The following HIBCH variants were observed in gnomAD, a reference collection of about 807,000 sequenced individuals.
The protein encoded by HIBCH is 3-hydroxyisobutyryl-CoA hydrolase, mitochondrial.
A neutral mutation model predicts 58.2 loss-of-function variants in HIBCH; 50 were observed. The observed-to-expected ratio is 0.86, with a 90% CI of 0.68 to 1.09. The LOEUF is 1.09. HIBCH is among the 50% of genes least tolerant of loss of function. The probability of loss-of-function intolerance (pLI) is 0.00; values close to 1 mark genes in which losing one functional copy is unlikely to be tolerated. For missense variants in HIBCH, 450 were observed against 449.7 expected (o/e 1.00, Z -0.01); for synonymous variants, 151 against 146.9 (o/e 1.03, Z -0.20).
intron 2 of HIBCH, among the ~76,000 whole-genome samples, chr2:190,303,605 A>G (rs1688326380): frequency 6.6e-6 from 1 of 152,208 alleles, no homozygotes; most frequent in Non-Finnish European, 1.5e-5. Flanking sequence ...GAAAAAATAA[A>G]TGGAGGAGAA....
At chr2:190,250,346 T>A in intron 8 of HIBCH, 1 of 465,510 alleles carries the variant, frequency 2.1e-6, no homozygotes, top group South Asian at 1.6e-5. Context: ...ATTCTTTGAG[T>A]ATTTTCTTTG....
chr2:190,210,219 C>G lies in HIBCH; in HGVS notation c.1012-1306G>C, dbSNP rs1244296470. 6.6e-6 allele frequency among the ~76,000 whole-genome samples: 1 copy of G among 152,204 alleles called. No individual in the cohort carries two copies. The highest frequency in any genetic ancestry group is 1.5e-5 in the Non-Finnish European group (1 of 68,036). On this transcript the variant is annotated intron_variant, in intron 12 of 13. Coordinates refer to ENST00000359678, the MANE Select transcript of HIBCH (RefSeq NM_014362.4). The surrounding 1 kb of genome is among the most constrained non-coding windows in gnomAD (Gnocchi z 5.5). ...TACACTCTAACTTCTGCCCCCACTC[C>G]TCTAAAATGGCTTGCCAAAACCACC...
At chr2:190,299,463 A>G (rs1242050302) in intron 2 of HIBCH, among the ~76,000 whole-genome samples, 1 of 152,006 alleles carries the variant, frequency 6.6e-6, no homozygotes, top group Non-Finnish European at 1.5e-5. Flanking sequence ...AGCAACAGTA[A>G]GATATATTTT....
chr2:190,217,887 A>T lies in HIBCH; in HGVS notation c.892-4812T>A, dbSNP rs1280664048. 1.3e-5 allele frequency among the ~76,000 whole-genome samples: 2 copies of T among 152,074 alleles called. No homozygotes were observed. Among genetic ancestry groups the T allele is most frequent in the Non-Finnish European group, 2.9e-5 (2 of 68,012 alleles). On this transcript the variant is annotated intron_variant, in intron 11 of 13. Transcript: ENST00000359678. This position sits in a 1 kb window ranked among gnomAD's most constrained non-coding sequence, Gnocchi z 4.6. ...AGAGTGAATAGGGAATGTATAAATC[A>T]CCTAAGAAACCCTTAAAGCTAACTC... is the stretch of plus-strand genomic sequence containing the variant.
intron 11 of HIBCH, 66 bp from the exon 12 acceptor site, chr2:190,213,141 A>G (rs1690553468): frequency 2.4e-6 from 3 of 1,230,324 alleles, no homozygotes; most frequent in Non-Finnish European, 3.6e-6. Flanking sequence ...ATAAATGGGC[A>G]GAGTGTCTAT....
rs1361360755 is a variant in HIBCH at position 190,279,467 on chromosome 2, T to C, written c.438+8119A>G. Among the ~76,000 whole-genome samples, 2 of 152,190 alleles carry C rather than the reference T, an allele frequency of 1.3e-5. No homozygotes were observed. Among genetic ancestry groups the C allele is most frequent in the South Asian group, 4.1e-4 (2 of 4,830 alleles). On this transcript the variant is annotated intron_variant, in intron 6 of 13. Coordinates refer to ENST00000359678, the MANE Select transcript of HIBCH (RefSeq NM_014362.4). This position sits in a 1 kb window ranked among gnomAD's most constrained non-coding sequence, Gnocchi z 4.2. ...AGTCCAGAGTCCCATCTGTGAAGCCTGTGTAATCAAAACAAGTTATCTACT... is the reference window on the plus strand; with the variant it reads ...AGTCCAGAGTCCCATCTGTGAAGCCCGTGTAATCAAAACAAGTTATCTACT...
intron 6 of HIBCH, among the ~76,000 whole-genome samples, chr2:190,272,774 C>T (rs2582771): frequency 4.6e-5 from 7 of 151,818 alleles, no homozygotes; most frequent in African/African-American, 1.5e-4. Flanking sequence ...GCAGGGAGAC[C>T]GAAGGTAGTG....
chr2:190,274,617 C>T (rs1327836769), intron 6 of HIBCH, among the ~76,000 whole-genome samples: 5 of 152,148 alleles, frequency 3.3e-5, no homozygotes, highest in African/African-American at 1.2e-4. Flanking sequence ...ACTGCTCCAA[C>T]AAGACAGACC....
Position 190,246,153 on chromosome 2 carries a change from C to G in HIBCH, c.809+1G>C. The stretch of plus-strand genomic sequence containing the variant: ...TATAACTGAGATCTCTTTTTAGGTA[C>G]CTGTTTATTTTGTCCATGTGTTCCT... On this transcript the variant is annotated splice_donor_variant, in intron 10 of 13. Transcript: ENST00000359678. LOFTEE classifies it high-confidence loss of function. 1 of 1,545,108 alleles carries G rather than the reference C, an allele frequency of 6.5e-7. No individual in the cohort carries two copies. The highest frequency in any genetic ancestry group is 8.9e-7 in the Non-Finnish European group (1 of 1,118,308).
chr2:190,228,062 A>G (rs1685967627), intron 11 of HIBCH, among the ~76,000 whole-genome samples: 1 of 152,164 alleles, frequency 6.6e-6, no homozygotes, highest in Non-Finnish European at 1.5e-5. Context: ...TATGTACCCA[A>G]AGGAGTATAA....
intron 6 of HIBCH, among the ~76,000 whole-genome samples, chr2:190,287,063 CAT>C (rs1687849187): frequency 2.3e-5 from 1 of 42,648 alleles, no homozygotes; most frequent in Non-Finnish European, 5.2e-5. Flanking sequence ...TGTGTGTATA[CAT>C]ATATTTTTTT....
chr2:190,195,942 T>TTTC (rs1491162047), intron 1 of HIBCH, among the ~76,000 whole-genome samples: 160 of 13,868 alleles, frequency 0.012, 1 homozygote, highest in Non-Finnish European at 0.019. Context: ...TGTGTCCAGC[T>TTTC]TTTTTTTTTT....
chr2:190,227,085 G>C (rs557507045), intron 11 of HIBCH, among the ~76,000 whole-genome samples: 426 of 152,108 alleles, frequency 2.8e-3, no homozygotes, highest in African/African-American at 9.9e-3. Context: ...CTACTTTAAA[G>C]TTCATATGGA....
At position 190,211,949 on chromosome 2, in the gene HIBCH, G is replaced by A. The variant is rs1396933063; in HGVS notation, c.1011+1007C>T. Among the ~76,000 whole-genome samples, 1 of 152,334 alleles carries A rather than the reference G, an allele frequency of 6.6e-6. No homozygotes were observed. Among genetic ancestry groups the A allele is most frequent in the Middle Eastern group, 3.4e-3 (1 of 294 alleles). On this transcript the variant is annotated intron_variant, in intron 12 of 13. Coordinates refer to ENST00000359678, the MANE Select transcript of HIBCH (RefSeq NM_014362.4). The surrounding 1 kb of genome is among the most constrained non-coding windows in gnomAD (Gnocchi z 5.0). ...AAACATGGAATGTGTGAGGTATACA[G>A]GAGAGTGGTCAAGAGTGCAGGCACT...
At chr2:190,303,651 T>C (rs1013158349) in intron 2 of HIBCH, among the ~76,000 whole-genome samples, 39 of 152,150 alleles carry the variant, frequency 2.6e-4, no homozygotes, top group African/African-American at 9.2e-4. Flanking sequence ...AAATGACATA[T>C]GTAGTTATCT....
Position 190,213,309 on chromosome 2 carries a change from A to C in HIBCH, c.892-234T>G, listed in dbSNP as rs3815961. On this transcript the variant is annotated intron_variant, in intron 11 of 13. Coordinates refer to ENST00000359678, the MANE Select transcript of HIBCH (RefSeq NM_014362.4). ...TAGCTGTGACTAATAAAATAAATCC[A>C]TATTTGTAGTTTGCTTAGCATAAAT... is the stretch of plus-strand genomic sequence containing the variant. 0.28 allele frequency: 135,305 copies of C among 488,168 alleles called. 20,880 individuals carry two copies. Among genetic ancestry groups the C allele is most frequent in the East Asian group, 0.5 (13,358 of 26,794 alleles). 30.2% of individuals were successfully genotyped at this position (488,168 alleles called of 1,614,324 possible). A position where few individuals can be genotyped will look rare whatever the true frequency, so the allele number is the denominator to read the frequency against.
chr2:190,228,070 T>C (rs1685967804), intron 11 of HIBCH, among the ~76,000 whole-genome samples: 1 of 152,142 alleles, frequency 6.6e-6, no homozygotes, highest in Non-Finnish European at 1.5e-5. Context: ...CAAAGGAGTA[T>C]AAATCATGCT....
intron 1 of HIBCH, among the ~76,000 whole-genome samples, chr2:190,194,477 TACAC>T (rs3083429): frequency 0.087 from 12,315 of 141,296 alleles, 531 homozygotes; most frequent in Middle Eastern, 0.1. Flanking sequence ...ATCCTGTGTA[TACAC>T]ACACACACAC....
rs7607988 is a variant in HIBCH at position 190,214,198 on chromosome 2, A to G, written c.892-1123T>C. On this transcript the variant is annotated intron_variant, in intron 11 of 13. Coordinates refer to ENST00000359678, the MANE Select transcript of HIBCH (RefSeq NM_014362.4). This position sits in a 1 kb window ranked among gnomAD's most constrained non-coding sequence, Gnocchi z 5.5. ...TGACACAAGGAGAAAAGCAGGCACC[A>G]TGGCAACCAGCCAACCTCCTGCATG... The G allele has an allele frequency of 1, 152,398 of 152,406 alleles. 76,195 individuals carry two copies. Among genetic ancestry groups the G allele is most frequent in the Middle Eastern group, 1 (294 of 294 alleles). 9.4% of individuals were successfully genotyped at this position (152,406 alleles called of 1,614,324 possible). A position where few individuals can be genotyped will look rare whatever the true frequency, so the allele number is the denominator to read the frequency against.
Sources: gnomAD v4.1 joint callset for allele counts (sites outside exome capture counted in the v4.1 genomes callset) on GRCh38, gnomAD v4.1.1 for gene constraint, Gnocchi (gnomAD v3.1) non-coding constraint, MANE v1.5 for transcripts, NCBI Gene and HGNC (gene_info 2026-07-23, HGNC 2026-07-21) for gene names.